Variants in DAO observed in about 807,000 individuals in gnomAD.
DAO encodes D-amino acid oxidase.
A neutral mutation model predicts 50.1 loss-of-function variants in DAO; 51 were observed. The ratio of observed to expected loss-of-function variants is 1.02; its 90% confidence interval spans 0.81 to 1.29. The LOEUF (loss-of-function observed/expected upper bound fraction) is 1.29. DAO is among the 50% of genes most tolerant of loss of function. The pLI is 0.00. For synonymous variants in DAO, 160 were observed against 166.2 expected, an observed-to-expected ratio of 0.96 and a Z score of 0.29; for missense variants, 436 against 439.4, an observed-to-expected ratio of 0.99 and a Z score of 0.07.
rs573230084 is a variant in DAO, at chr12:108,888,288, T to A, written c.309+724T>A. On this transcript the variant is annotated intron_variant, in intron 3 of 10. Transcript: ENST00000228476. ...TCAAGGTTCATTCAACCTTTGGCAC[T>A]GTGCTAAGGGCTTTATCCACATTAT... 2.3e-3 allele frequency among the ~76,000 whole-genome samples: 344 copies of A among 152,164 alleles called. 1 individual carries two copies. The highest frequency in any genetic ancestry group is 4.0e-3 in the Non-Finnish European group (270 of 68,014).
chr12:108,883,054 G>A (rs1444021502), intron 1 of DAO, among the ~76,000 whole-genome samples: 1 of 152,034 alleles, frequency 6.6e-6, no homozygotes, highest in East Asian at 1.9e-4. Context: ...CGGAAATTAT[G>A]CAGACAGTCA....
chr12:108,898,646 C>T (rs750871189), intron 8 of DAO, 33 bp from the exon 9 acceptor site: 2 of 1,429,848 alleles, frequency 1.4e-6, no homozygotes, highest in South Asian at 1.1e-5. Flanking sequence ...CCTTCATTTT[C>T]CTTCATCCTT....
intron 4 of DAO, 119 bp downstream of exon 4, chr12:108,889,664 G>T: frequency 1.3e-6 from 1 of 776,640 alleles, no homozygotes; most frequent in East Asian, 2.8e-5. Context: ...TGGTACCCTG[G>T]TCTCCTGGTC....
In DAO at chr12:108,890,062, C is replaced by A. The variant is rs139714068; in HGVS notation, c.387-146C>A. Reference sequence around the variant, plus strand: ...ATTTTCCTTGCATTGAGCTCAAAACCACGTCCCCCCTTGAACTTCACGTAG... The same window carrying A: ...ATTTTCCTTGCATTGAGCTCAAAACAACGTCCCCCCTTGAACTTCACGTAG... On this transcript the variant is annotated intron_variant, in intron 4 of 10. Coordinates refer to ENST00000228476, the MANE Select transcript of DAO (RefSeq NM_001917.5). The A allele has an allele frequency of 1.6e-4, 119 of 733,500 alleles. No homozygotes were observed. The African/African-American group carries it at 1.9e-3, about 12-fold the overall frequency. 45.4% of individuals were successfully genotyped at this position (733,500 alleles called of 1,614,324 possible).
chr12:108,896,296 GC>G (rs1386238823), intron 7 of DAO, among the ~76,000 whole-genome samples: 1 of 150,982 alleles, frequency 6.6e-6, no homozygotes, highest in African/African-American at 2.4e-5. Flanking sequence ...GGTGGCAGGT[GC>G]CTGTAATCCC....
intron 6 of DAO, 82 bp downstream of exon 6, chr12:108,893,118 C>G: frequency 7.7e-7 from 1 of 1,295,958 alleles, no homozygotes; most frequent in South Asian, 1.2e-5. Flanking sequence ...CGGGGGCTCC[C>G]TTCTCAGGCT....
chr12:108,880,486 A>T (rs181083462), intron 1 of DAO: 542 of 256,724 alleles, frequency 2.1e-3, no homozygotes, highest in Non-Finnish European at 2.9e-3. Context: ...GTGTTAAAAG[A>T]GGTGGTGCAT....
At chr12:108,887,401 T>C in intron 2 of DAO, 49 bp from the exon 3 acceptor site, 1 of 1,414,678 alleles carries the variant, frequency 7.1e-7, no homozygotes, top group Non-Finnish European at 1.0e-6. Context: ...CTAAGGTTTT[T>C]TGCCCAGCTC....
At chr12:108,896,908 C>T in intron 7 of DAO, 98 bp from the exon 8 acceptor site, 1 of 888,460 alleles carries the variant, frequency 1.1e-6, no homozygotes, top group Non-Finnish European at 1.9e-6. Context: ...AGGAATCAGC[C>T]TGGCCACTCT....
At chr12:108,890,348 T>G (rs2039478596) in intron 5 of DAO, 75 bp downstream of exon 5, 4 of 1,153,416 alleles carry the variant, frequency 3.5e-6, no homozygotes, top group Non-Finnish European at 5.2e-6. Context: ...TTCGTGGGCT[T>G]CCCTCAGCAT....
At chr12:108,899,775 C>G in intron 10 of DAO, 3 of 454,528 alleles carry the variant, frequency 6.6e-6, no homozygotes, top group Non-Finnish European at 1.2e-5. Context: ...ATGGAAATGA[C>G]ACTATCAAGT....
intron 5 of DAO, 48 bp from the exon 6 acceptor site, chr12:108,892,934 G>C (rs2039507577): frequency 6.4e-7 from 1 of 1,564,644 alleles, no homozygotes; most frequent in Non-Finnish European, 8.8e-7. Context: ...TGGTGGGATG[G>C]GGCAGATAGC....
At chr12:108,898,483 G>T (rs2039585987) in intron 8 of DAO, 196 bp from the exon 9 acceptor site, 2 of 633,368 alleles carry the variant, frequency 3.2e-6, no homozygotes, top group Non-Finnish European at 2.9e-6. Context: ...CAAAGACAAT[G>T]TTGTTGATGG....
At position 108,897,107 on chromosome 12, in the gene DAO, CG is replaced by C. The variant is rs544932023; in HGVS notation, c.695+22del. 1.6e-5 allele frequency: 26 copies of C among 1,584,766 alleles called. No homozygotes were observed. The African/African-American group carries it at 3.4e-4, about 20-fold the overall frequency. On this transcript the variant is annotated intron_variant, in intron 8 of 10. Transcript: ENST00000228476. ...TCCCAGGGTAAAATTGGACTGTTCT[CG>C]GGCAGAAGAGTGGTCCCCTTCATGC...
rs1177826531 is a variant in DAO at position 108,897,015 on chromosome 12, C to T, written c.622C>T (p.Pro208Ser). ...TGCCCTGAATCAACAGGTGGACGCCCCTTGGATGAAGCACTTCATTCTCAC... is the reference window on the plus strand; with the variant it reads ...TGCCCTGAATCAACAGGTGGACGCCTCTTGGATGAAGCACTTCATTCTCAC... ...GRGQIMKVDA[P>S]WMKHFILTHD... The change falls in exon 8 of 11, where the codon CCT becomes TCT. Residue 208 changes from proline (P) to serine (S), a missense_variant. Pro to Ser is a moderately conservative substitution (Grantham distance 74). Transcript: ENST00000228476. The T allele has an allele frequency of 1.9e-6, 3 of 1,613,610 alleles. No homozygotes were observed. The African/African-American group carries it at 4.0e-5, about 22-fold the overall frequency.
rs201376696 is a variant in DAO at position 108,900,399 on chromosome 12, C to T, written c.913-5C>T. 4.8e-5 allele frequency: 78 copies of T among 1,613,834 alleles called. No individual in the cohort carries two copies. The highest frequency in any genetic ancestry group is 2.3e-5 in the Non-Finnish European group (27 of 1,179,926). On this transcript the variant is annotated splice_region_variant and splice_polypyrimidine_tract_variant and intron_variant, in intron 10 of 10. Transcript: ENST00000228476. ...CCTGGCCACCTTCTCTCTTGCCTCT[C>T]CTAGGTCATCCACAACTATGGCCAT...
At chr12:108,894,502 TA>T (rs374876157) in intron 7 of DAO, 135 bp downstream of exon 7, 27 of 738,150 alleles carry the variant, frequency 3.7e-5, no homozygotes, top group Admixed American at 4.9e-5. Flanking sequence ...AATTGACATG[TA>T]AAAAAAACAA....
At chr12:108,894,858 G>A (rs1262189928) in intron 7 of DAO, among the ~76,000 whole-genome samples, 3 of 152,022 alleles carry the variant, frequency 2.0e-5, no homozygotes, top group East Asian at 1.9e-4. Context: ...GACTACAAGC[G>A]CATGCCACCA....
chr12:108,900,213 C>T, intron 10 of DAO, 191 bp from the exon 11 acceptor site: 3 of 603,038 alleles, frequency 5.0e-6, no homozygotes, highest in East Asian at 3.0e-5. Context: ...TTTGTGGCTG[C>T]CCCATCATCT....
Sources: gnomAD v4.1 joint callset for allele counts (sites outside exome capture counted in the v4.1 genomes callset) on GRCh38, gnomAD v4.1.1 for gene constraint, MANE v1.5 for transcripts, NCBI Gene and HGNC (gene_info 2026-07-23, HGNC 2026-07-21) for gene names.